Variants in BST1 observed in about 807,000 individuals in gnomAD.
BST1 encodes ADP-ribosyl cyclase/cyclic ADP-ribose hydrolase 2.
A neutral mutation model predicts 40.6 loss-of-function variants in BST1; 49 were observed. The ratio of observed to expected loss-of-function variants is 1.21; its 90% confidence interval spans 0.96 to 1.53. BST1 has a LOEUF of 1.53. Among genes scored for constraint, BST1 ranks in the 40% most tolerant of loss-of-function variants. The pLI is 0.00. For missense variants in BST1, 423 were observed against 395.9 expected (o/e 1.07, Z -0.58); for synonymous variants, 157 against 159.3 (o/e 0.99, Z 0.11).
rs947721206 is a variant in BST1 at position 15,722,871 on chromosome 4, G to A, written c.792-4G>A. On this transcript the variant is annotated splice_region_variant and splice_polypyrimidine_tract_variant and intron_variant, in intron 7 of 8. Coordinates refer to ENST00000265016, the MANE Select transcript of BST1 (RefSeq NM_004334.3). The stretch of plus-strand genomic sequence containing the variant: ...ATCCCTTAAATATTATTTTCTTTCT[G>A]TAGACCAGTGAAGCTCTTACAGTGC... 2 of 1,612,208 alleles carry A rather than the reference G, an allele frequency of 1.2e-6. No individual in the cohort carries two copies. Among genetic ancestry groups the A allele is most frequent in the East Asian group, 2.2e-5 (1 of 44,840 alleles).
intron 1 of BST1, among the ~76,000 whole-genome samples, chr4:15,704,566 A>G (rs1450371558): frequency 8.3e-5 from 12 of 143,776 alleles, no homozygotes; most frequent in African/African-American, 2.6e-4. Flanking sequence ...GAGGTGAGGG[A>G]TGTGTGTGTG....
At chr4:15,771,432 G>A in the BST1 span, among the ~76,000 whole-genome samples, 1 of 152,210 alleles carries the variant, frequency 6.6e-6, no homozygotes, top group Non-Finnish European at 1.5e-5. Context: ...CCTGCAGAAA[G>A]ATAAAATGCA....
At chr4:15,704,505 G>A (rs970648359) in intron 1 of BST1, among the ~76,000 whole-genome samples, 4 of 149,572 alleles carry the variant, frequency 2.7e-5, no homozygotes, top group Non-Finnish European at 4.5e-5. Context: ...TAGTCTAGAG[G>A]TGACAGGTGT....
the BST1 span, among the ~76,000 whole-genome samples, chr4:15,772,592 G>C: frequency 6.6e-6 from 1 of 152,226 alleles, no homozygotes; most frequent in African/African-American, 2.4e-5. Context: ...TCCTGGGCTA[G>C]GGGGTCCAGA....
At chr4:15,713,330 C>T (rs1577575334) in intron 4 of BST1, among the ~76,000 whole-genome samples, 1 of 147,708 alleles carries the variant, frequency 6.8e-6, no homozygotes, top group African/African-American at 2.5e-5. Context: ...GGACTACAGG[C>T]GTGTGCCACC....
At chr4:15,755,500 G>A in the BST1 span, among the ~76,000 whole-genome samples, 31 of 152,280 alleles carry the variant, frequency 2.0e-4, no homozygotes, top group African/African-American at 7.5e-4. Context: ...TTTCATGTGG[G>A]CAGAGATATT....
downstream of BST1, among the ~76,000 whole-genome samples, chr4:15,733,104 A>G (rs1217863435): frequency 6.6e-6 from 1 of 152,142 alleles, no homozygotes; most frequent in Non-Finnish European, 1.5e-5. Flanking sequence ...GTGGAAGGGG[A>G]CCCAAGCTGG....
At chr4:15,766,158 G>A in the BST1 span, among the ~76,000 whole-genome samples, 1 of 151,918 alleles carries the variant, frequency 6.6e-6, no homozygotes, top group Non-Finnish European at 1.5e-5. Flanking sequence ...AATCTAGTTG[G>A]GGATGGAGGT....
the BST1 span, among the ~76,000 whole-genome samples, chr4:15,747,279 A>G: frequency 6.6e-6 from 1 of 152,144 alleles, no homozygotes; most frequent in South Asian, 2.1e-4. Flanking sequence ...ACCATGGGAT[A>G]TATTAACCAC....
downstream of BST1, among the ~76,000 whole-genome samples, chr4:15,738,731 G>T (rs995344953): frequency 1.2e-4 from 19 of 152,188 alleles, no homozygotes; most frequent in Non-Finnish European, 2.2e-4. Context: ...GGCCACCCTG[G>T]TAAGCTAACA....
chr4:15,733,959 G>A (rs576993391), downstream of BST1, among the ~76,000 whole-genome samples: 29 of 152,310 alleles, frequency 1.9e-4, no homozygotes, highest in African/African-American at 6.0e-4. Flanking sequence ...CAATTCACAT[G>A]TCCTTCAGAT....
chr4:15,741,660 A>C (rs78851957), downstream of BST1, among the ~76,000 whole-genome samples: 2,069 of 152,258 alleles, frequency 0.014, 53 homozygotes, highest in African/African-American at 0.047. Context: ...TCAAAAGAAG[A>C]ACATTATTTC....
At chr4:15,710,671 G>A (rs1369602706) in intron 3 of BST1, among the ~76,000 whole-genome samples, 1 of 152,184 alleles carries the variant, frequency 6.6e-6, no homozygotes, top group Admixed American at 6.5e-5. Flanking sequence ...TTTCAAGTGA[G>A]ATCATGCAAT....
chr4:15,713,430 CGCCTCA>C (rs1720331151), intron 4 of BST1, among the ~76,000 whole-genome samples: 1 of 151,892 alleles, frequency 6.6e-6, no homozygotes. Context: ...ATAATCCACC[CGCCTCA>C]GCCTCCCAAA....
chr4:15,756,629 T>G, the BST1 span, among the ~76,000 whole-genome samples: 3 of 152,202 alleles, frequency 2.0e-5, no homozygotes, highest in Non-Finnish European at 4.4e-5. Flanking sequence ...TGGGTATATC[T>G]TCTATGAATG....
At chr4:15,739,001 T>C (rs978821398), downstream of BST1, among the ~76,000 whole-genome samples, 2 of 152,226 alleles carry the variant, frequency 1.3e-5, no homozygotes, top group African/African-American at 4.8e-5. Context: ...TGAATCATCA[T>C]TGGAGACTCT....
At chr4:15,720,740 A>G (rs1720765890) in intron 7 of BST1, among the ~76,000 whole-genome samples, 2 of 152,096 alleles carry the variant, frequency 1.3e-5, no homozygotes, top group African/African-American at 4.8e-5. Flanking sequence ...ACAGTGAGCT[A>G]TGATGGTGCC....
chr4:15,770,418 C>T, the BST1 span, among the ~76,000 whole-genome samples: 1,101 of 152,224 alleles, frequency 7.2e-3, 7 homozygotes, highest in Non-Finnish European at 0.013. Context: ...CTAAAAACTA[C>T]TCCGGGCCAG....
chr4:15,772,945 C>T, the BST1 span, among the ~76,000 whole-genome samples: 2 of 152,142 alleles, frequency 1.3e-5, no homozygotes, highest in Non-Finnish European at 1.5e-5. Flanking sequence ...AACAGACAGG[C>T]TGCTTGTCAT....
Sources: allele counts gnomAD v4.1 joint callset (sites outside exome capture counted in the v4.1 genomes callset), GRCh38; gene constraint gnomAD v4.1.1; transcripts MANE v1.5; gene names NCBI Gene and HGNC (gene_info 2026-07-23, HGNC 2026-07-21).